The following REPS2 variants were observed in gnomAD, a reference collection of about 807,000 sequenced individuals.
The protein encoded by REPS2 is RALBP1 associated Eps domain containing 2, also known as ralBP1-associated Eps domain-containing protein 2.
REPS2 carries 23 observed loss-of-function variants against 53.6 expected under a neutral mutation model. The ratio of observed to expected loss-of-function variants is 0.43; its 90% CI spans 0.31 to 0.61. The LOEUF (loss-of-function observed/expected upper bound fraction) is 0.61. REPS2 is among the 20% of genes least tolerant of loss of function. The probability of loss-of-function intolerance (pLI) is 0.11; values close to 1 mark genes in which losing one functional copy is unlikely to be tolerated. For missense variants in REPS2, 446 were observed against 534.9 expected, an observed-to-expected ratio of 0.83 and a Z score of 1.64; for synonymous variants, 238 against 218.6, an observed-to-expected ratio of 1.09 and a Z score of -0.78.
chrX:16,968,546 G>C (rs951035557), intron 1 of REPS2, among the ~76,000 whole-genome samples: 1 of 99,800 alleles, frequency 1.0e-5, no homozygotes, highest in Admixed American at 1.0e-4. Context: ...CCTCCGGGAC[G>C]GGGTGGCTGG....
chrX:17,130,525 G>C (rs2063278203), intron 14 of REPS2, among the ~76,000 whole-genome samples: 1 of 111,481 alleles, frequency 9.0e-6, no homozygotes, highest in Admixed American at 9.5e-5. Flanking sequence ...CATGAGACTG[G>C]GTGCTTCTGT....
Position 17,052,463 on chromosome X carries a change from C to T in REPS2, c.971+18C>T, listed in dbSNP as rs762331924. 3 of 1,129,259 alleles carry T rather than the reference C, an allele frequency of 2.7e-6. No individual in the cohort carries two copies. The Admixed American group carries it at 6.9e-5, about 26-fold the overall frequency. The allele number at this position is 1,129,259 out of a possible 1,213,427, so 93.1% of individuals were successfully genotyped here. ...TATATATGGTAAGTACAATTAATGC[C>T]ATATGACATTCATACCATCATCCAT... On this transcript the variant is annotated intron_variant, in intron 7 of 17. Transcript: ENST00000357277.
chrX:17,185,849 C>T, the REPS2 span, among the ~76,000 whole-genome samples: 5 of 111,468 alleles, frequency 4.5e-5, no homozygotes, highest in Admixed American at 9.5e-5. Flanking sequence ...CAGCATGAAG[C>T]GAGTGTCCTC....
intron 14 of REPS2, among the ~76,000 whole-genome samples, chrX:17,130,004 A>G (rs10521901): frequency 0.025 from 2,765 of 112,048 alleles, 91 homozygotes; most frequent in African/African-American, 0.086. Context: ...GGGCCAGAAC[A>G]TATATTACCT....
In REPS2 at chrX:16,996,621, A is replaced by G. The variant is rs113054111; in HGVS notation, c.274-9600A>G. On this transcript the variant is annotated intron_variant, in intron 1 of 17. Coordinates refer to ENST00000357277, the MANE Select transcript of REPS2 (RefSeq NM_004726.3). The stretch of plus-strand genomic sequence containing the variant: ...CCAAATTAGTGAAGTTAGATTGCCT[A>G]TCCCACCAACAATGGATGTTTATGG... 5.4e-3 allele frequency among the ~76,000 whole-genome samples: 606 copies of G among 112,331 alleles called. 5 individuals carry two copies. Among genetic ancestry groups the G allele is most frequent in the African/African-American group, 0.019 (582 of 30,906 alleles).
intron 1 of REPS2, among the ~76,000 whole-genome samples, chrX:16,960,754 A>G (rs2060650903): frequency 8.9e-6 from 1 of 112,367 alleles, no homozygotes; most frequent in African/African-American, 3.2e-5. Flanking sequence ...GGACTCCACA[A>G]AAGCCCTCTT....
At chrX:17,135,203 G>C (rs1003947841) in intron 15 of REPS2, 58 bp from the exon 16 acceptor site, 1 of 1,133,599 alleles carries the variant, frequency 8.8e-7, no homozygotes, top group South Asian at 2.0e-5. Flanking sequence ...GGAAGGAAGA[G>C]TGGAGGGAAC....
chrX:16,993,902 T>TA (rs2061192864), intron 1 of REPS2, among the ~76,000 whole-genome samples: 1 of 112,806 alleles, frequency 8.9e-6, no homozygotes, highest in African/African-American at 3.2e-5. Flanking sequence ...AAAAGCAGTT[T>TA]ATTGGCAGGA....
At chrX:17,025,612 A>G (rs925001536) in intron 4 of REPS2, among the ~76,000 whole-genome samples, 1 of 112,281 alleles carries the variant, frequency 8.9e-6, no homozygotes, top group African/African-American at 3.2e-5. Flanking sequence ...CCAACCTTTG[A>G]AGACTGAGCA....
intron 4 of REPS2, among the ~76,000 whole-genome samples, chrX:17,026,416 T>C (rs1448164288): frequency 5.4e-5 from 6 of 110,463 alleles, no homozygotes; most frequent in South Asian, 7.7e-4. Flanking sequence ...TTTCCTCTTA[T>C]AGTTTCCCTG....
chrX:16,947,264 T>C (rs1366404225), intron 1 of REPS2, 130 bp downstream of exon 1: 2 of 883,094 alleles, frequency 2.3e-6, no homozygotes, highest in African/African-American at 4.2e-5. Context: ...GAGAGGACTC[T>C]GCAGCCGGGG....
chrX:16,981,440 G>A (rs1168209766), intron 1 of REPS2, among the ~76,000 whole-genome samples: 1 of 112,883 alleles, frequency 8.9e-6, no homozygotes, highest in African/African-American at 3.2e-5. Flanking sequence ...TGAATTTGCT[G>A]TGATATGATA....
chrX:17,046,972 A>G (rs2061916628), intron 5 of REPS2, among the ~76,000 whole-genome samples: 1 of 112,498 alleles, frequency 8.9e-6, no homozygotes, highest in South Asian at 3.6e-4. Flanking sequence ...TTTGTCATTT[A>G]AAAAGAATCC....
intron 1 of REPS2, among the ~76,000 whole-genome samples, chrX:16,968,744 G>T (rs1243126531): frequency 5.9e-5 from 6 of 101,301 alleles, no homozygotes; most frequent in African/African-American, 2.2e-4. Context: ...CCGGGCAGAG[G>T]GGCTCCTCAC....
At chrX:17,194,692 C>T in the REPS2 span, among the ~76,000 whole-genome samples, 1 of 111,494 alleles carries the variant, frequency 9.0e-6, no homozygotes, top group Non-Finnish European at 1.9e-5. Context: ...AACCTACACA[C>T]GTGCTCAAAT....
At chrX:17,074,707 A>T (rs2062355623) in intron 12 of REPS2, 1 of 112,203 alleles carries the variant, frequency 8.9e-6, no homozygotes, top group African/African-American at 3.3e-5. Context: ...AGTAAGGCAG[A>T]GCTGTGGTTG....
chrX:16,982,269 C>T (rs1429170039), intron 1 of REPS2, among the ~76,000 whole-genome samples: 1 of 111,994 alleles, frequency 8.9e-6, no homozygotes, highest in Non-Finnish European at 1.9e-5. Flanking sequence ...ATGAATAATG[C>T]TGCTATGAAC....
intron 1 of REPS2, among the ~76,000 whole-genome samples, chrX:16,952,813 A>T (rs767463558): frequency 8.9e-6 from 1 of 111,838 alleles, no homozygotes; most frequent in East Asian, 2.8e-4. Context: ...TTAGGGAAAT[A>T]GAGGCCAGCA....
At position 17,006,265 on chromosome X, in the gene REPS2, A is replaced by G. The variant is rs1028775029; in HGVS notation, c.318A>G (p.Pro106=). Residue 106 remains proline (P), a synonymous_variant, in exon 2 of 18, where the codon CCA becomes CCG. Transcript: ENST00000357277. ...CAAAGCGGGTTGGTTATTTTGGTCCAACACAGTTTTACATTGCCCTGAAAT... is the reference window on the plus strand; with the variant it reads ...CAAAGCGGGTTGGTTATTTTGGTCCGACACAGTTTTACATTGCCCTGAAAT... The part of the protein sequence containing the change: ...CGAKRVGYFG[P]TQFYIALKLI... 2 of 1,208,701 alleles carry G rather than the reference A, an allele frequency of 1.7e-6. No homozygotes were observed. The highest frequency in any genetic ancestry group is 2.2e-5 in the Admixed American group (1 of 45,811).
Sources: allele counts gnomAD v4.1 joint callset (sites outside exome capture counted in the v4.1 genomes callset), GRCh38; gene constraint gnomAD v4.1.1; transcripts MANE v1.5; gene names NCBI Gene and HGNC (gene_info 2026-07-23, HGNC 2026-07-21).